Variants in GLT1D1 observed in about 807,000 individuals in gnomAD.
GLT1D1 encodes the protein glycosyltransferase 1 domain containing 1, also known as glycosyltransferase 1 domain-containing protein 1.
A neutral mutation model predicts 28.7 loss-of-function variants in GLT1D1; 21 were observed. The ratio of observed to expected loss-of-function variants is 0.73; its 90% CI spans 0.52 to 1.05. GLT1D1 has a LOEUF of 1.05. Ranked by LOEUF, GLT1D1 falls within the 50% of genes least tolerant of loss-of-function variation. GLT1D1 has a pLI of 0.00. For synonymous variants in GLT1D1, 147 were observed against 124.8 expected (o/e 1.18, Z -1.19); for missense variants, 343 against 330.6 (o/e 1.04, Z -0.29).
chr12:128,947,352 G>T lies in GLT1D1; in HGVS notation c.434G>T (p.Arg145Leu). ...TTGTGTTTCAGAGCCGCTGGGGTAC[G>T]ATTGATTGGAGAGATGCCTCAAGAA... is the stretch of plus-strand genomic sequence containing the variant. Residue 145 changes from arginine to leucine, a missense_variant, in exon 6 of 8, where the codon CGA becomes CTA. Transcript: ENST00000281703. The T allele has an allele frequency of 6.2e-7, 1 of 1,614,042 alleles. No individual in the cohort carries two copies. Among genetic ancestry groups the T allele is most frequent in the Non-Finnish European group, 8.5e-7 (1 of 1,179,972 alleles).
chr12:128,885,867 T>A (rs1957162985), intron 2 of GLT1D1, among the ~76,000 whole-genome samples: 1 of 152,220 alleles, frequency 6.6e-6, no homozygotes, highest in African/African-American at 2.4e-5. Flanking sequence ...TAGCCTCCTT[T>A]AGTAGCAGTT....
intron 4 of GLT1D1, among the ~76,000 whole-genome samples, chr12:128,924,711 C>T (rs1873009051): frequency 6.6e-6 from 1 of 152,098 alleles, no homozygotes; most frequent in African/African-American, 2.4e-5. Flanking sequence ...GGTGAGCCAC[C>T]ATGCCCAGCC....
intron 4 of GLT1D1, among the ~76,000 whole-genome samples, chr12:128,934,264 C>T (rs1874287308): frequency 1.4e-5 from 2 of 140,526 alleles, no homozygotes; most frequent in South Asian, 4.8e-4. Context: ...ATTGAAGTGG[C>T]ACGATCTCGG....
In GLT1D1 at chr12:128,983,995, C is replaced by G. The variant is rs1880569066; in HGVS notation, c.*905C>G. On this transcript the variant is annotated 3_prime_UTR_variant, in exon 8 of 8. Transcript: ENST00000281703. The surrounding 1 kb of genome is among the most constrained non-coding windows in gnomAD (Gnocchi z 4.7). Reference sequence around the variant, plus strand: ...GCCATCATGGTAATGGTGGCCTCGCCCCATCCATGTCATCCATGTCACATG... The same window carrying G: ...GCCATCATGGTAATGGTGGCCTCGCGCCATCCATGTCATCCATGTCACATG... 1 of 152,270 alleles carries G rather than the reference C, an allele frequency of 6.6e-6. No individual in the cohort carries two copies. Among genetic ancestry groups the G allele is most frequent in the Non-Finnish European group, 1.5e-5 (1 of 68,060 alleles). The allele number at this position is 152,270 out of a possible 1,614,324, so 9.4% of individuals were successfully genotyped here.
rs574887259 is a variant in GLT1D1 at position 128,945,092 on chromosome 12, C to T, written c.376-234C>T. ...AGCATGTTGTCCCGGAGCAGGTCCCCGCTGGAAAGGTGCTTTAGCTCGAAG... is the reference window on the plus strand; with the variant it reads ...AGCATGTTGTCCCGGAGCAGGTCCCTGCTGGAAAGGTGCTTTAGCTCGAAG... On this transcript the variant is annotated intron_variant, in intron 4 of 7. Transcript: ENST00000281703. 7.1e-5 allele frequency: 49 copies of T among 688,808 alleles called. No homozygotes were observed. In the East Asian group the frequency reaches 8.1e-4, roughly 11 times the overall value. The allele number at this position is 688,808 out of a possible 1,614,324, so 42.7% of individuals were successfully genotyped here. A position where few individuals can be genotyped will look rare whatever the true frequency, so the allele number is the denominator to read the frequency against.
intron 6 of GLT1D1, among the ~76,000 whole-genome samples, chr12:128,949,919 G>A (rs1412785346): frequency 1.3e-5 from 2 of 152,114 alleles, no homozygotes; most frequent in African/African-American, 2.4e-5. Flanking sequence ...AAGCAGAGAC[G>A]AGCACCTGCA....
chr12:128,935,885 G>C (rs1012516258), intron 4 of GLT1D1, among the ~76,000 whole-genome samples: 1 of 152,148 alleles, frequency 6.6e-6, no homozygotes, highest in African/African-American at 2.4e-5. Context: ...AATGCTAACC[G>C]CTGGCAAGTT....
intron 6 of GLT1D1, among the ~76,000 whole-genome samples, chr12:128,948,006 G>A (rs746248001): frequency 6.6e-6 from 1 of 152,008 alleles, no homozygotes; most frequent in Non-Finnish European, 1.5e-5. Context: ...CATCTTTTTT[G>A]ACAAAATGTG....
chr12:128,929,338 G>C (rs1873622816), intron 4 of GLT1D1, among the ~76,000 whole-genome samples: 1 of 152,214 alleles, frequency 6.6e-6, no homozygotes, highest in South Asian at 2.1e-4. Context: ...TCATGAGAAA[G>C]AGCTTGCACT....
chr12:128,863,624 C>T lies in GLT1D1; in HGVS notation c.68+9975C>T, dbSNP rs553131184. ...AACTCCTGACCTCAGGCGATTCACT[C>T]GCCTCGGCCTTCCAAAGTGCTGGGA... On this transcript the variant is annotated intron_variant, in intron 1 of 7. Transcript: ENST00000281703. Among the ~76,000 whole-genome samples, 9 of 152,198 alleles carry T rather than the reference C, an allele frequency of 5.9e-5. 1 individual carries two copies. The highest frequency in any genetic ancestry group is 1.2e-4 in the African/African-American group (5 of 41,544).
intron 4 of GLT1D1, among the ~76,000 whole-genome samples, chr12:128,910,597 C>T (rs933050178): frequency 1.3e-5 from 2 of 151,938 alleles, no homozygotes; most frequent in Non-Finnish European, 2.9e-5. Context: ...ACAGCTCTTC[C>T]AGCTTTCCAG....
chr12:128,957,590 A>C lies in GLT1D1; in HGVS notation c.586A>C (p.Asn196His), dbSNP rs768030942. 1.2e-5 allele frequency: 20 copies of C among 1,613,928 alleles called. No individual in the cohort carries two copies. The highest frequency in any genetic ancestry group is 1.7e-5 in the Non-Finnish European group (20 of 1,179,866). The change falls in exon 7 of 8, where the codon AAT becomes CAT. Residue 196 changes from asparagine (N) to histidine (H), a missense_variant. Physicochemically the swap from Asn to His is moderately conservative, Grantham distance 68 (BLOSUM62 1). Transcript: ENST00000281703. ...GGTATTGGCCAGGAACATCCCCGGG[A>C]ATGCTGCCGTGGTGAAGCATGAAGT...
intron 1 of GLT1D1, among the ~76,000 whole-genome samples, chr12:128,868,528 T>C (rs1956605863): frequency 6.6e-6 from 1 of 152,200 alleles, no homozygotes; most frequent in South Asian, 2.1e-4. Flanking sequence ...TCTGAAGATG[T>C]AGAGGACTAA....
At chr12:128,934,198 CTTTTTTTTTTT>C (rs1228657723) in intron 4 of GLT1D1, among the ~76,000 whole-genome samples, 2 of 73,416 alleles carry the variant, frequency 2.7e-5, no homozygotes, top group East Asian at 7.8e-4. Flanking sequence ...AAGAGACAGT[CTTTTTTTTTTT>C]TTTTTTTTTT....
intron 1 of GLT1D1, among the ~76,000 whole-genome samples, chr12:128,855,981 A>G (rs1236421936): frequency 6.6e-6 from 1 of 151,920 alleles, no homozygotes; most frequent in Non-Finnish European, 1.5e-5. Context: ...CGAACTCCTG[A>G]CCTCACGTGA....
At chr12:128,979,859 T>C (rs764109994) in intron 7 of GLT1D1, among the ~76,000 whole-genome samples, 16 of 152,236 alleles carry the variant, frequency 1.1e-4, no homozygotes, top group Non-Finnish European at 1.9e-4. Context: ...TAACCTATAG[T>C]TGGGCTGTCA....
Position 128,951,864 on chromosome 12 carries a change from T to G in GLT1D1, c.540+4406T>G, listed in dbSNP as rs147354853. On this transcript the variant is annotated intron_variant, in intron 6 of 7. Transcript: ENST00000281703. ...TAAATGTGAAACCCTCAGATTACACTGAAGTCTCTTCGCCCTCTGTTCATT... is the reference window on the plus strand; with the variant it reads ...TAAATGTGAAACCCTCAGATTACACGGAAGTCTCTTCGCCCTCTGTTCATT... Among the ~76,000 whole-genome samples, 120 of 152,390 alleles carry G rather than the reference T, an allele frequency of 7.9e-4. No homozygotes were observed. The Middle Eastern group carries it at 0.017, about 22-fold the overall frequency.
At chr12:128,900,200 T>C (rs562643121) in intron 4 of GLT1D1, among the ~76,000 whole-genome samples, 4 of 152,328 alleles carry the variant, frequency 2.6e-5, no homozygotes, top group South Asian at 4.1e-4. Flanking sequence ...CTGCTGTCTC[T>C]GGCGGTGGGA....
intron 7 of GLT1D1, among the ~76,000 whole-genome samples, chr12:128,970,855 C>A (rs1033496208): frequency 6.6e-6 from 1 of 152,230 alleles, no homozygotes; most frequent in African/African-American, 2.4e-5. Flanking sequence ...AGCCTGGAAG[C>A]TTCCCGAGGG....
Sources: allele counts gnomAD v4.1 joint callset (sites outside exome capture counted in the v4.1 genomes callset), GRCh38; gene constraint gnomAD v4.1.1; non-coding constraint Gnocchi (gnomAD v3.1); transcripts MANE v1.5; gene names NCBI Gene and HGNC (gene_info 2026-07-23, HGNC 2026-07-21).